BICC1: variants seen among roughly 807,000 people sequenced by gnomAD.
The protein encoded by BICC1 is BicC family RNA binding protein 1.
Under a neutral mutation model 111.0 loss-of-function variants are expected in BICC1, and 43 were observed. The ratio of observed to expected loss-of-function variants is 0.39; its 90% CI spans 0.30 to 0.50. The LOEUF is 0.50. BICC1 is among the 20% of genes least tolerant of loss of function. BICC1 has a pLI of 0.88. For missense variants in BICC1, 1,091 were observed against 1,203.2 expected (o/e 0.91, Z 1.38); for synonymous variants, 467 against 434.4 (o/e 1.07, Z -0.93).
intron 2 of BICC1, among the ~76,000 whole-genome samples, chr10:58,666,854 G>T (rs1156399): frequency 6.6e-6 from 1 of 151,946 alleles, no homozygotes; most frequent in Non-Finnish European, 1.5e-5. Context: ...GAATTATTTA[G>T]GATATACTTG....
chr10:58,574,780 A>G (rs1589111318), intron 1 of BICC1, among the ~76,000 whole-genome samples: 1 of 152,198 alleles, frequency 6.6e-6, no homozygotes, highest in South Asian at 2.1e-4. Flanking sequence ...AAAATTCCCT[A>G]TTTTCTAAGA....
intron 20 of BICC1, chr10:58,823,962 A>G: frequency 1.0e-6 from 1 of 985,418 alleles, no homozygotes; most frequent in Non-Finnish European, 1.2e-6. Flanking sequence ...AACAACAGCC[A>G]TCTGTATGCA....
At chr10:58,518,015 C>T (rs927270148) in intron 1 of BICC1, among the ~76,000 whole-genome samples, 2 of 152,116 alleles carry the variant, frequency 1.3e-5, no homozygotes, top group Admixed American at 1.3e-4. Context: ...TCCCTGGTAG[C>T]TTGCCATGTG....
intron 2 of BICC1, among the ~76,000 whole-genome samples, chr10:58,647,044 A>G (rs1281985856): frequency 3.9e-5 from 6 of 152,312 alleles, no homozygotes; most frequent in African/African-American, 1.4e-4. Context: ...ACTGTTATAC[A>G]TTTTGGAAGC....
At chr10:58,806,519 C>A in intron 15 of BICC1, 65 bp from the exon 16 acceptor site, 3 of 1,417,394 alleles carry the variant, frequency 2.1e-6, no homozygotes, top group Non-Finnish European at 3.0e-6. Context: ...TGTTCTCTAA[C>A]CATGGAGTGT....
chr10:58,648,168 C>G (rs1223288401), intron 2 of BICC1, among the ~76,000 whole-genome samples: 1 of 152,202 alleles, frequency 6.6e-6, no homozygotes, highest in Non-Finnish European at 1.5e-5. Context: ...GCAGTGTCTG[C>G]TCTTTTGACC....
intron 15 of BICC1, 78 bp from the exon 16 acceptor site, chr10:58,806,506 C>T: frequency 7.6e-7 from 1 of 1,323,596 alleles, no homozygotes; most frequent in East Asian, 2.3e-5. Context: ...CAGTCAAAAC[C>T]TTTGTTCTCT....
At chr10:58,754,730 T>A (rs1418609237) in intron 3 of BICC1, among the ~76,000 whole-genome samples, 1 of 150,134 alleles carries the variant, frequency 6.7e-6, no homozygotes, top group African/African-American at 2.5e-5. Flanking sequence ...TGTATGGGCT[T>A]TAGGGACAAA....
intron 3 of BICC1, among the ~76,000 whole-genome samples, chr10:58,748,842 G>A (rs1419626628): frequency 1.3e-5 from 2 of 152,132 alleles, no homozygotes; most frequent in African/African-American, 4.8e-5. Context: ...AGGTGAGGCA[G>A]CTGCTGCTGC....
chr10:58,798,446 A>G lies in BICC1; in HGVS notation c.1414A>G (p.Asn472Asp), dbSNP rs145626204. Residue 472 changes from asparagine (N) to aspartate (D), a missense_variant, in exon 11 of 21, where the codon AAC becomes GAC. Physicochemically the swap from Asn to Asp is conservative, Grantham distance 23. Transcript: ENST00000373886. ...TLSLNTSTTPNSLLNALNSSV... is the reference protein window; with the variant it reads ...TLSLNTSTTPDSLLNALNSSV... Reference sequence around the variant, plus strand: ...ATCTCTGAACACTTCAACAACCCCAAACTCACTCTTGAATGCTCTTAATAG... The same window carrying G: ...ATCTCTGAACACTTCAACAACCCCAGACTCACTCTTGAATGCTCTTAATAG... 14 of 1,612,500 alleles carry G rather than the reference A, an allele frequency of 8.7e-6. No homozygotes were observed. The highest frequency in any genetic ancestry group is 8.0e-5 in the African/African-American group (6 of 74,768).
chr10:58,801,128 G>T, intron 14 of BICC1, 82 bp downstream of exon 14: 2 of 1,226,868 alleles, frequency 1.6e-6, no homozygotes, highest in East Asian at 2.9e-5. Context: ...AGTACTCTTT[G>T]ATTCAAGTCA....
At chr10:58,681,073 G>C (rs1043315805) in intron 2 of BICC1, among the ~76,000 whole-genome samples, 7 of 152,284 alleles carry the variant, frequency 4.6e-5, no homozygotes, top group Admixed American at 4.6e-4. Flanking sequence ...AGAAAGCCTA[G>C]AAGAAAACCT....
At chr10:58,516,491 C>T (rs1320289446) in intron 1 of BICC1, among the ~76,000 whole-genome samples, 1 of 104,392 alleles carries the variant, frequency 9.6e-6, no homozygotes, top group Non-Finnish European at 1.9e-5. Context: ...ACTCTTTTTT[C>T]ATGGTTTTTT....
At chr10:58,735,537 T>TTTTTTTTTTTTTTTTTTGAGACGG (rs1841440499) in intron 3 of BICC1, among the ~76,000 whole-genome samples, 1 of 152,210 alleles carries the variant, frequency 6.6e-6, no homozygotes, top group African/African-American at 2.4e-5. Flanking sequence ...TAAACATTTT[T>TTTTTTTTTTTTTTTTTTGAGACGG]AAGTACCTTC....
At chr10:58,669,413 A>G (rs1456045556) in intron 2 of BICC1, among the ~76,000 whole-genome samples, 1 of 152,148 alleles carries the variant, frequency 6.6e-6, no homozygotes, top group Non-Finnish European at 1.5e-5. Flanking sequence ...TGAAAATTCA[A>G]ATTATGAGTT....
chr10:58,680,708 A>G (rs1839491841), intron 2 of BICC1, among the ~76,000 whole-genome samples: 1 of 152,262 alleles, frequency 6.6e-6, no homozygotes, highest in African/African-American at 2.4e-5. Context: ...AAGAGCCTGT[A>G]TAGCCAAGAC....
At position 58,796,442 on chromosome 10, in the gene BICC1, C is replaced by T; in HGVS notation, c.1282C>T (p.Pro428Ser). 1 of 1,614,132 alleles carries T rather than the reference C, an allele frequency of 6.2e-7. No individual in the cohort carries two copies. The highest frequency in any genetic ancestry group is 8.5e-7 in the Non-Finnish European group (1 of 1,180,014). Residue 428 changes from proline (P) to serine (S), a missense_variant, in exon 10 of 21, where the codon CCA (proline) becomes TCA (serine). This residue lies in a region of BICC1 where 843 missense variants were observed against 900.8 expected (regional missense o/e 0.94). Transcript: ENST00000373886. ...CAGTGGGGTTACCATAGCAACCAGTCCATCCCCAGCATCCTGCCCTGCCGG... is the reference window on the plus strand; with the variant it reads ...CAGTGGGGTTACCATAGCAACCAGTTCATCCCCAGCATCCTGCCCTGCCGG... ...ESSGVTIATS[P>S]SPASCPAGLA... is the part of the protein sequence containing the mutation.
At chr10:58,591,453 C>G (rs1372070403) in intron 1 of BICC1, among the ~76,000 whole-genome samples, 1 of 152,230 alleles carries the variant, frequency 6.6e-6, no homozygotes, top group East Asian at 1.9e-4. Context: ...AAAGATGTGC[C>G]TTCTCTGTAA....
At chr10:58,644,152 T>C (rs1370206858) in intron 2 of BICC1, among the ~76,000 whole-genome samples, 1 of 152,186 alleles carries the variant, frequency 6.6e-6, no homozygotes, top group East Asian at 1.9e-4. Flanking sequence ...CTAATAATTA[T>C]TACAGTAGCA....
Sources: gnomAD v4.1 joint callset for allele counts (sites outside exome capture counted in the v4.1 genomes callset) on GRCh38, gnomAD v4.1.1 for gene constraint, gnomAD v4.1.1 regional missense constraint, MANE v1.5 for transcripts, NCBI Gene and HGNC (gene_info 2026-07-23, HGNC 2026-07-21) for gene names.